Variants in ZNF248 observed in about 807,000 individuals in gnomAD.
ZNF248 encodes the protein zinc finger protein 248.
Under a neutral mutation model 44.3 loss-of-function variants are expected in ZNF248, and 20 were observed. The ratio of observed to expected loss-of-function variants is 0.45; its 90% CI spans 0.32 to 0.66. The LOEUF is 0.66. Ranked by LOEUF, ZNF248 falls within the 30% of genes least tolerant of loss-of-function variation. The probability of loss-of-function intolerance (pLI) is 0.04; values close to 1 mark genes in which losing one functional copy is unlikely to be tolerated. For synonymous variants in ZNF248, 224 were observed against 229.0 expected (o/e 0.98, Z 0.20); for missense variants, 654 against 677.0 (o/e 0.97, Z 0.38).
the ZNF248 span, among the ~76,000 whole-genome samples, chr10:37,761,569 A>G: frequency 6.6e-6 from 1 of 152,228 alleles, no homozygotes; most frequent in African/African-American, 2.4e-5. Context: ...TCTTGTGCTG[A>G]TGCAATGAAA....
chr10:37,847,052 T>C (rs2059442069), intron 3 of ZNF248, among the ~76,000 whole-genome samples: 1 of 152,190 alleles, frequency 6.6e-6, no homozygotes, highest in Non-Finnish European at 1.5e-5. Flanking sequence ...CTGCTGTTGT[T>C]TGAGACAGGG....
At chr10:37,823,808 A>C (rs1349339140), downstream of ZNF248, among the ~76,000 whole-genome samples, 2 of 152,034 alleles carry the variant, frequency 1.3e-5, no homozygotes, top group Non-Finnish European at 2.9e-5. Flanking sequence ...TCCTGACCTA[A>C]GGTGATCCAC....
intron 6 of ZNF248, among the ~76,000 whole-genome samples, chr10:37,798,474 A>C (rs2049406295): frequency 6.6e-6 from 1 of 152,166 alleles, no homozygotes; most frequent in African/African-American, 2.4e-5. Context: ...AGGAATTTCC[A>C]TGTGCACTAA....
chr10:37,809,820 T>C (rs1416638715), intron 6 of ZNF248, among the ~76,000 whole-genome samples: 3 of 152,156 alleles, frequency 2.0e-5, no homozygotes, highest in Non-Finnish European at 4.4e-5. Flanking sequence ...ATTTAAATTA[T>C]TTCCACAAAT....
Position 37,829,434 on chromosome 10 carries a change from T to C in ZNF248, c.*2181A>G. 7.1e-6 allele frequency: 7 copies of C among 985,432 alleles called. No homozygotes were observed. Among genetic ancestry groups the C allele is most frequent in the Non-Finnish European group, 8.4e-6 (7 of 829,926 alleles). 61.0% of individuals were successfully genotyped at this position (985,432 alleles called of 1,614,324 possible). Reference sequence around the variant, plus strand: ...GCTGATACAAACAGCCATCCCTATATTAACTTGTGAAAAGAAATAATTCTT... The same window carrying C: ...GCTGATACAAACAGCCATCCCTATACTAACTTGTGAAAAGAAATAATTCTT... On this transcript the variant is annotated 3_prime_UTR_variant, in exon 6 of 6. Coordinates refer to ENST00000395867, the MANE Select transcript of ZNF248 (RefSeq NM_021045.3).
At chr10:37,771,937 G>A (rs1000753629), downstream of ZNF248, among the ~76,000 whole-genome samples, 1 of 152,038 alleles carries the variant, frequency 6.6e-6, no homozygotes, top group African/African-American at 2.4e-5. Context: ...TTATCTCCCA[G>A]CAACAAACCC....
chr10:37,825,458 A>G (rs1447081420), downstream of ZNF248, among the ~76,000 whole-genome samples: 1 of 152,100 alleles, frequency 6.6e-6, no homozygotes, highest in East Asian at 1.9e-4. Flanking sequence ...TTTGTTTTTG[A>G]GACAGGCACT....
chr10:37,762,245 G>A, the ZNF248 span, among the ~76,000 whole-genome samples: 6 of 152,190 alleles, frequency 3.9e-5, no homozygotes, highest in South Asian at 2.1e-4. Context: ...AAGGAATAAT[G>A]TTCCTCATAA....
intron 3 of ZNF248, among the ~76,000 whole-genome samples, chr10:37,844,893 C>T (rs2059009772): frequency 8.5e-6 from 1 of 117,186 alleles, no homozygotes; most frequent in Admixed American, 9.1e-5. Context: ...TATTTCCTTC[C>T]TTTCCTTTTC....
At chr10:37,788,277 A>G (rs1029570283) in intron 6 of ZNF248, among the ~76,000 whole-genome samples, 29 of 151,332 alleles carry the variant, frequency 1.9e-4, no homozygotes, top group Non-Finnish European at 2.8e-4. Flanking sequence ...AAAAAAAAAA[A>G]AAAAGAAAAC....
Position 37,841,091 on chromosome 10 carries a change from T to G in ZNF248, c.16-2980A>C, listed in dbSNP as rs562305001. Among the ~76,000 whole-genome samples the G allele has an allele frequency of 3.3e-5, 5 of 152,344 alleles. No homozygotes were observed. In the South Asian group the frequency reaches 8.3e-4, roughly 25 times the overall value. On this transcript the variant is annotated intron_variant, in intron 3 of 5. Transcript: ENST00000395867. ...CTCTGTTTTCTAGCATCTTGTGTCA[T>G]AGATGAAAAGGCATATGTTCACATG... is the stretch of plus-strand genomic sequence containing the variant.
the ZNF248 span, among the ~76,000 whole-genome samples, chr10:37,771,150 A>G: frequency 6.6e-6 from 1 of 152,224 alleles, no homozygotes; most frequent in Non-Finnish European, 1.5e-5. Flanking sequence ...GTGGAGAAAT[A>G]GGAACACTTT....
the ZNF248 span, among the ~76,000 whole-genome samples, chr10:37,769,873 C>T: frequency 6.6e-6 from 1 of 152,092 alleles, no homozygotes; most frequent in Admixed American, 6.6e-5. Context: ...TCTAGAAAAC[C>T]CCATTGTCTC....
At chr10:37,851,681 G>A (rs1370184051) in intron 3 of ZNF248, among the ~76,000 whole-genome samples, 3 of 141,144 alleles carry the variant, frequency 2.1e-5, no homozygotes, top group Non-Finnish European at 4.5e-5. Context: ...TTTCAATGAA[G>A]AGAATATACA....
intron 3 of ZNF248, among the ~76,000 whole-genome samples, chr10:37,846,013 T>C (rs1326724967): frequency 6.6e-6 from 1 of 152,198 alleles, no homozygotes; most frequent in Non-Finnish European, 1.5e-5. Context: ...ATAATCTTCA[T>C]GTACTGATGT....
At position 37,857,381 on chromosome 10, in the gene ZNF248, G is replaced by C. The variant is rs1255874319; in HGVS notation, c.-322C>G. ...CAGCCCCTTCGCTCCTGCACTCCAC[G>C]GGCAGAGAGGCCCTTGGGGCCGGTG... On this transcript the variant is annotated 5_prime_UTR_variant, in exon 1 of 6. Transcript: ENST00000395867. The C allele has an allele frequency of 2.0e-5, 3 of 152,298 alleles. No homozygotes were observed. The highest frequency in any genetic ancestry group is 7.2e-5 in the African/African-American group (3 of 41,456). The allele number at this position is 152,298 out of a possible 1,614,324, so 9.4% of individuals were successfully genotyped here.
intron 6 of ZNF248, among the ~76,000 whole-genome samples, chr10:37,789,461 A>G (rs1051850816): frequency 3.9e-5 from 6 of 152,198 alleles, no homozygotes; most frequent in Admixed American, 2.6e-4. Context: ...ATGGTGTTTT[A>G]TGGTAATCTA....
chr10:37,833,140 A>T, intron 5 of ZNF248, 24 bp from the exon 6 acceptor site: 1 of 1,558,102 alleles, frequency 6.4e-7, no homozygotes, highest in Non-Finnish European at 8.6e-7. Flanking sequence ...AAATAACCAC[A>T]TCTTATGAAC....
At chr10:37,809,732 T>C (rs985732830) in intron 6 of ZNF248, among the ~76,000 whole-genome samples, 2 of 152,206 alleles carry the variant, frequency 1.3e-5, no homozygotes, top group Non-Finnish European at 2.9e-5. Flanking sequence ...TTTGTTTCTG[T>C]TTTCAGTCAT....
Sources: allele counts gnomAD v4.1 joint callset (sites outside exome capture counted in the v4.1 genomes callset), GRCh38; gene constraint gnomAD v4.1.1; transcripts MANE v1.5; gene names NCBI Gene and HGNC (gene_info 2026-07-23, HGNC 2026-07-21).